ERICH1: variants seen among roughly 807,000 people sequenced by gnomAD.
ERICH1 encodes glutamate rich 1, also known as glutamate-rich protein 1.
In ERICH1, 56 loss-of-function variants were observed where a neutral mutation model predicts 39.6. That is an observed-to-expected ratio of 1.41 (90% CI 1.14 to 1.77). ERICH1 has a LOEUF of 1.77. Among genes scored for constraint, ERICH1 ranks in the 40% most tolerant of loss-of-function variants. The pLI is 0.00. For missense variants in ERICH1, 826 were observed against 575.4 expected, an observed-to-expected ratio of 1.44 and a Z score of -4.45; for synonymous variants, 313 against 223.6, an observed-to-expected ratio of 1.40 and a Z score of -3.57.
intron 4 of ERICH1, among the ~76,000 whole-genome samples, chr8:670,764 C>T (rs1313704721): frequency 6.6e-6 from 1 of 152,170 alleles, no homozygotes; most frequent in Non-Finnish European, 1.5e-5. Context: ...GTCCACCGGC[C>T]CCAGCTCCAA....
chr8:676,491 G>A (rs1200071384), intron 3 of ERICH1, among the ~76,000 whole-genome samples: 5 of 147,224 alleles, frequency 3.4e-5, no homozygotes, highest in Non-Finnish European at 7.5e-5. Context: ...ACAGAGACGC[G>A]GCGGCCCCTC....
chr8:719,065 A>G (rs7465613), intron 1 of ERICH1, among the ~76,000 whole-genome samples: 149,718 of 152,158 alleles, frequency 0.98, 73,705 homozygotes, highest in Middle Eastern at 1. Flanking sequence ...GGCAGGTCCC[A>G]GACTCACCTC....
At chr8:700,054 C>T (rs1368781655) in intron 2 of ERICH1, among the ~76,000 whole-genome samples, 2 of 128,214 alleles carry the variant, frequency 1.6e-5, no homozygotes, top group African/African-American at 6.2e-5. Flanking sequence ...GGCCCGCACA[C>T]GCGCACAGGC....
In ERICH1 at chr8:664,225, C is replaced by T; in HGVS notation, c.*378G>A. ...TACTTAAACTAGAACATTTTAATAC[C>T]CAGAAAGCATTCTTAAAGCAGAGAC... is the stretch of plus-strand genomic sequence containing the variant. On this transcript the variant is annotated 3_prime_UTR_variant, in exon 6 of 6. Coordinates refer to ENST00000262109, the MANE Select transcript of ERICH1 (RefSeq NM_207332.3). The T allele has an allele frequency of 1.0e-6, 1 of 992,392 alleles. No homozygotes were observed. The highest frequency in any genetic ancestry group is 1.2e-6 in the Non-Finnish European group (1 of 834,666). 61.5% of individuals were successfully genotyped at this position (992,392 alleles called of 1,614,324 possible).
chr8:620,322 T>C (rs951497048), intron 3 of ERICH1, among the ~76,000 whole-genome samples: 5 of 151,814 alleles, frequency 3.3e-5, no homozygotes, highest in Non-Finnish European at 7.4e-5. Flanking sequence ...AAAAAATAAA[T>C]AAATCAATAA....
chr8:615,407 G>C (rs1397564495), intron 3 of ERICH1: 8 of 557,626 alleles, frequency 1.4e-5, no homozygotes, highest in Non-Finnish European at 2.5e-5. Flanking sequence ...CCTAAGCCCT[G>C]CTTTCCTCAG....
Position 687,600 on chromosome 8 carries a change from G to A in ERICH1, c.304+4878C>T, listed in dbSNP as rs1563262812. Among the ~76,000 whole-genome samples, 3 of 152,296 alleles carry A rather than the reference G, an allele frequency of 2.0e-5. No homozygotes were observed. In the South Asian group the frequency reaches 6.2e-4, roughly 32 times the overall value. The stretch of plus-strand genomic sequence containing the variant: ...AGCGGCGCAGGGAGCAGGACTGGAG[G>A]GAGGCGGGTCCCTGTGGAGCGCAGC... On this transcript the variant is annotated intron_variant, in intron 3 of 5. Transcript: ENST00000262109.
chr8:730,433 C>T (rs368173267), intron 1 of ERICH1, among the ~76,000 whole-genome samples: 1 of 152,150 alleles, frequency 6.6e-6, no homozygotes, highest in African/African-American at 2.4e-5. Flanking sequence ...CTGAATTAAT[C>T]CAAGTAACAC....
Position 664,529 on chromosome 8 carries a change from C to T in ERICH1, c.*74G>A. 1.9e-6 allele frequency: 3 copies of T among 1,544,686 alleles called. No individual in the cohort carries two copies. In the East Asian group the frequency reaches 6.8e-5, roughly 35 times the overall value. ...GTCTTTCAAGTTCCCAGAGAACTAACTCTAAGCCCATCTCACATTTGTCTT... is the reference window on the plus strand; with the variant it reads ...GTCTTTCAAGTTCCCAGAGAACTAATTCTAAGCCCATCTCACATTTGTCTT... On this transcript the variant is annotated 3_prime_UTR_variant, in exon 6 of 6. Coordinates refer to ENST00000262109, the MANE Select transcript of ERICH1 (RefSeq NM_207332.3).
At chr8:699,426 G>A (rs999437592) in intron 2 of ERICH1, among the ~76,000 whole-genome samples, 1 of 152,086 alleles carries the variant, frequency 6.6e-6, no homozygotes, top group Admixed American at 6.5e-5. Context: ...CACAATCACA[G>A]CAACTTCAAG....
intron 1 of ERICH1, among the ~76,000 whole-genome samples, chr8:729,674 G>A (rs964297207): frequency 1.3e-5 from 2 of 151,910 alleles, no homozygotes; most frequent in African/African-American, 4.9e-5. Flanking sequence ...CAACCACAAT[G>A]TCCTTAAACA....
chr8:709,697 T>TTGA (rs1274784048), intron 2 of ERICH1, among the ~76,000 whole-genome samples: 1 of 152,214 alleles, frequency 6.6e-6, no homozygotes, highest in African/African-American at 2.4e-5. Flanking sequence ...CCAAGTGCTT[T>TTGA]GTCAGACTCA....
Position 715,897 on chromosome 8 carries a change from C to G in ERICH1, c.133G>C (p.Glu45Gln). Residue 45 changes from glutamate to glutamine, a missense_variant, in exon 2 of 6, where the codon GAG (glutamate) becomes CAG (glutamine). Coordinates refer to ENST00000262109, the MANE Select transcript of ERICH1 (RefSeq NM_207332.3). ...VQNPPKKVTS[E>Q]KVSQKHAEPL... Reference sequence around the variant, plus strand: ...TCAGCATGTTTCTGGCTCACTTTCTCAGAGGTCACTTTCTTTGGTGGATTT... The same window carrying G: ...TCAGCATGTTTCTGGCTCACTTTCTGAGAGGTCACTTTCTTTGGTGGATTT... The G allele has an allele frequency of 6.2e-7, 1 of 1,613,902 alleles. No individual in the cohort carries two copies. The highest frequency in any genetic ancestry group is 1.1e-5 in the South Asian group (1 of 91,016).
rs969122699 is a variant in ERICH1 at position 697,618 on chromosome 8, C to G, written c.170-5006G>C. 2.0e-5 allele frequency among the ~76,000 whole-genome samples: 3 copies of G among 152,182 alleles called. No homozygotes were observed. In the East Asian group the frequency reaches 5.8e-4, roughly 29 times the overall value. On this transcript the variant is annotated intron_variant, in intron 2 of 5. Coordinates refer to ENST00000262109, the MANE Select transcript of ERICH1 (RefSeq NM_207332.3). ...GGTGGGTGAGGGGTCAGGGCAGGTT[C>G]TACCAGCTCTTCGCCATTTTGGTCT...
At position 673,389 on chromosome 8, in the gene ERICH1, G is replaced by A. The variant is rs569291670; in HGVS notation, c.963C>T (p.Asp321=). 1.7e-5 allele frequency: 27 copies of A among 1,613,224 alleles called. No homozygotes were observed. Among genetic ancestry groups the A allele is most frequent in the African/African-American group, 1.1e-4 (8 of 74,704 alleles). ...EEEGADSGEE[D]GADASEEDDT... ...CATCTTCCTCGCTGGCGTCTGCACC[G>A]TCCTCCTCCCCGGAGTCTGCACCCT... The change falls in exon 4 of 6, where the codon GAC becomes GAT. Residue 321 remains aspartate, a synonymous_variant. Coordinates refer to ENST00000262109, the MANE Select transcript of ERICH1 (RefSeq NM_207332.3).
intron 2 of ERICH1, among the ~76,000 whole-genome samples, chr8:710,736 C>T (rs1244178462): frequency 6.6e-6 from 1 of 152,272 alleles, no homozygotes; most frequent in Non-Finnish European, 1.5e-5. Flanking sequence ...AATAATTTTC[C>T]GTTGTCTGGA....
intron 3 of ERICH1, among the ~76,000 whole-genome samples, chr8:634,879 A>G (rs954346064): frequency 1.3e-5 from 2 of 152,128 alleles, no homozygotes; most frequent in African/African-American, 2.4e-5. Flanking sequence ...CTCTCCTTCC[A>G]GGAATCAGGT....
At chr8:628,296 G>C (rs1184189727) in intron 3 of ERICH1, among the ~76,000 whole-genome samples, 1 of 152,250 alleles carries the variant, frequency 6.6e-6, no homozygotes, top group Non-Finnish European at 1.5e-5. Flanking sequence ...GCTGGCTGTG[G>C]GTGGACCTGC....
chr8:653,300 T>C (rs1800207479), intron 3 of ERICH1, among the ~76,000 whole-genome samples: 1 of 152,274 alleles, frequency 6.6e-6, no homozygotes. Context: ...TGAGTCCTTG[T>C]GGACGAACTA....
Sources: allele counts gnomAD v4.1 joint callset (sites outside exome capture counted in the v4.1 genomes callset), GRCh38; gene constraint gnomAD v4.1.1; transcripts MANE v1.5; gene names NCBI Gene and HGNC (gene_info 2026-07-23, HGNC 2026-07-21).